TTLL11: variants seen among roughly 807,000 people sequenced by gnomAD.
TTLL11 encodes tubulin tyrosine ligase like 11.
A neutral mutation model predicts 51.7 loss-of-function variants in TTLL11; 42 were observed. The observed-to-expected ratio is 0.81, with a 90% CI of 0.64 to 1.05. The LOEUF is 1.05. TTLL11 is among the 50% of genes least tolerant of loss of function. TTLL11 has a pLI of 0.00. For synonymous variants in TTLL11, 381 were observed against 383.5 expected (o/e 0.99, Z 0.08); for missense variants, 799 against 940.4 (o/e 0.85, Z 1.97).
At chr9:121,920,127 C>T (rs928629199) in intron 6 of TTLL11, among the ~76,000 whole-genome samples, 8 of 152,026 alleles carry the variant, frequency 5.3e-5, no homozygotes, top group Admixed American at 2.0e-4. Context: ...CATGGCAAAA[C>T]ACCATCTCCA....
intron 6 of TTLL11, among the ~76,000 whole-genome samples, chr9:121,889,883 G>C (rs924129736): frequency 2.3e-4 from 32 of 139,778 alleles, no homozygotes; most frequent in African/African-American, 7.5e-4. Context: ...CTGGGCAACA[G>C]AGCAAGACTC....
intron 6 of TTLL11, among the ~76,000 whole-genome samples, chr9:121,882,262 T>C (rs538076456): frequency 1.2e-4 from 18 of 152,232 alleles, no homozygotes; most frequent in African/African-American, 4.1e-4. Flanking sequence ...TCACTGCTGG[T>C]CCACCCCTAG....
intron 4 of TTLL11, among the ~76,000 whole-genome samples, chr9:121,987,070 G>A (rs1842960732): frequency 6.6e-6 from 1 of 151,658 alleles, no homozygotes; most frequent in Admixed American, 6.6e-5. Flanking sequence ...TCAAAAACAA[G>A]CAAAACAAAA....
chr9:122,086,348 A>C (rs942770824), intron 1 of TTLL11, among the ~76,000 whole-genome samples: 11 of 152,342 alleles, frequency 7.2e-5, no homozygotes, highest in Admixed American at 4.6e-4. Flanking sequence ...TGCAAAGGAA[A>C]AATTCCAATA....
chr9:121,968,571 T>C (rs1274536784), intron 6 of TTLL11, among the ~76,000 whole-genome samples: 1 of 152,214 alleles, frequency 6.6e-6, no homozygotes, highest in Admixed American at 6.5e-5. Context: ...TTTATTTTCT[T>C]TTTTGAGACA....
chr9:122,041,807 A>C (rs1037289535), intron 1 of TTLL11, among the ~76,000 whole-genome samples: 60 of 152,152 alleles, frequency 3.9e-4, no homozygotes, highest in African/African-American at 1.4e-3. Context: ...TCCTATGCTC[A>C]TAGACCGGAA....
intron 4 of TTLL11, among the ~76,000 whole-genome samples, chr9:121,975,802 A>C (rs991275961): frequency 6.6e-6 from 1 of 152,168 alleles, no homozygotes; most frequent in Non-Finnish European, 1.5e-5. Flanking sequence ...ATTTTAAATA[A>C]AGCAAATTCC....
At chr9:122,041,073 A>T (rs1226813470) in intron 1 of TTLL11, among the ~76,000 whole-genome samples, 1 of 152,166 alleles carries the variant, frequency 6.6e-6, no homozygotes, top group African/African-American at 2.4e-5. Context: ...CTCCTTTTTC[A>T]TCACTCTTCA....
chr9:121,900,971 C>T (rs1343553082), intron 6 of TTLL11, among the ~76,000 whole-genome samples: 1 of 151,922 alleles, frequency 6.6e-6, no homozygotes, highest in Non-Finnish European at 1.5e-5. Flanking sequence ...GATGGGGTCT[C>T]ACCATGTTGC....
At chr9:122,013,174 G>T (rs1284657864) in intron 3 of TTLL11, among the ~76,000 whole-genome samples, 1 of 152,194 alleles carries the variant, frequency 6.6e-6, no homozygotes, top group Non-Finnish European at 1.5e-5. Flanking sequence ...GATACACTTA[G>T]GAAGTAATGA....
intron 4 of TTLL11, among the ~76,000 whole-genome samples, chr9:121,977,440 TA>T (rs1488719551): frequency 1.2e-4 from 18 of 152,152 alleles, no homozygotes; most frequent in African/African-American, 4.1e-4. Flanking sequence ...GTACTCAATA[TA>T]TGCTATCTCT....
chr9:122,005,412 C>A lies in TTLL11; in HGVS notation c.694-15642G>T, dbSNP rs146262166. ...ACGATGGAGGCATCTGTATGAATAA[C>A]CCCATTGATAATTCTGCTCAGGGCT... On this transcript the variant is annotated intron_variant, in intron 3 of 8. Coordinates refer to ENST00000321582, the MANE Select transcript of TTLL11 (RefSeq NM_001139442.2). 4.2e-4 allele frequency among the ~76,000 whole-genome samples: 64 copies of A among 152,248 alleles called. No individual in the cohort carries two copies. In the East Asian group the frequency reaches 9.5e-3, roughly 23 times the overall value.
At chr9:121,860,708 TA>T (rs1837980901) in intron 7 of TTLL11, among the ~76,000 whole-genome samples, 1 of 152,176 alleles carries the variant, frequency 6.6e-6, no homozygotes, top group Non-Finnish European at 1.5e-5. Context: ...CATGTGAACA[TA>T]GAAGAAGGCA....
chr9:121,966,991 T>C (rs1842416548), intron 6 of TTLL11, among the ~76,000 whole-genome samples: 1 of 152,140 alleles, frequency 6.6e-6, no homozygotes, highest in Non-Finnish European at 1.5e-5. Context: ...CCATGGGCCT[T>C]TCTCACACGT....
At chr9:121,964,183 G>A (rs929876992) in intron 6 of TTLL11, among the ~76,000 whole-genome samples, 4 of 151,312 alleles carry the variant, frequency 2.6e-5, no homozygotes, top group Non-Finnish European at 5.9e-5. Context: ...AAAAAAAAAA[G>A]GTTTCGAATA....
At position 121,947,719 on chromosome 9, in the gene TTLL11, G is replaced by A. The variant is rs374635332; in HGVS notation, c.1481+26290C>T. Among the ~76,000 whole-genome samples the A allele has an allele frequency of 3.3e-5, 5 of 152,312 alleles. No homozygotes were observed. In the South Asian group the frequency reaches 1.0e-3, roughly 32 times the overall value. Reference sequence around the variant, plus strand: ...TGCCTCAGATACCTTGATATGTGGAGTTTCAATATTGGAATGCTGGATGGG... The same window carrying A: ...TGCCTCAGATACCTTGATATGTGGAATTTCAATATTGGAATGCTGGATGGG... On this transcript the variant is annotated intron_variant, in intron 6 of 8. Coordinates refer to ENST00000321582, the MANE Select transcript of TTLL11 (RefSeq NM_001139442.2).
At chr9:121,998,484 C>A (rs1157583733) in intron 3 of TTLL11, among the ~76,000 whole-genome samples, 1 of 151,998 alleles carries the variant, frequency 6.6e-6, no homozygotes, top group Non-Finnish European at 1.5e-5. Context: ...CGGAGTTTCA[C>A]TACGTTGGTC....
rs386416145 is a variant in TTLL11, at chr9:122,062,462, C to CTTTTTTT, written c.463-23101_463-23095dup. Among the ~76,000 whole-genome samples the CTTTTTTT allele has an allele frequency of 1.4e-3, 111 of 77,704 alleles. 3 individuals are homozygous for CTTTTTTT. The highest frequency in any genetic ancestry group is 2.3e-3 in the African/African-American group (41 of 17,736). The allele number at this position is 77,704 out of a possible 152,430, so 51.0% of individuals were successfully genotyped here. A position where few individuals can be genotyped will look rare whatever the true frequency, so the allele number is the denominator to read the frequency against. Reference sequence around the variant, plus strand: ...AACTGTGCAAGATCTTTATATTATGCTTTTTTTTTTTTTTTTTTTTTTTTG... The same window carrying CTTTTTTT: ...AACTGTGCAAGATCTTTATATTATGCTTTTTTTTTTTTTTTTTTTTTTTTTTTTTTTG... On this transcript the variant is annotated intron_variant, in intron 1 of 8. Coordinates refer to ENST00000321582, the MANE Select transcript of TTLL11 (RefSeq NM_001139442.2).
At chr9:122,040,596 T>C (rs549452275) in intron 1 of TTLL11, among the ~76,000 whole-genome samples, 3 of 152,358 alleles carry the variant, frequency 2.0e-5, no homozygotes, top group South Asian at 4.1e-4. Context: ...TTTCCCATTC[T>C]AGGACTATAG....
Sources: gnomAD v4.1 joint callset for allele counts (sites outside exome capture counted in the v4.1 genomes callset) on GRCh38, gnomAD v4.1.1 for gene constraint, MANE v1.5 for transcripts, NCBI Gene and HGNC (gene_info 2026-07-23, HGNC 2026-07-21) for gene names.